Variants in STX8 observed in about 807,000 individuals in gnomAD.
STX8 encodes the protein syntaxin-8.
STX8 carries 23 observed loss-of-function variants against 37.5 expected under a neutral mutation model. That is an observed-to-expected ratio of 0.61 (90% CI 0.44 to 0.87). STX8 has a LOEUF of 0.87. Ranked by LOEUF, STX8 falls within the 40% of genes least tolerant of loss-of-function variation. The pLI is 0.00. For synonymous variants in STX8, 115 were observed against 99.1 expected (o/e 1.16, Z -0.95); for missense variants, 313 against 284.7 (o/e 1.10, Z -0.71).
At chr17:9,536,025 A>T (rs1906036625) in intron 4 of STX8, among the ~76,000 whole-genome samples, 1 of 152,212 alleles carries the variant, frequency 6.6e-6, no homozygotes, top group Non-Finnish European at 1.5e-5. Context: ...GGAGGGAGAT[A>T]ATATATTCCT....
chr17:9,430,698 G>A (rs1162292427), intron 6 of STX8, among the ~76,000 whole-genome samples: 2 of 146,246 alleles, frequency 1.4e-5, no homozygotes, highest in South Asian at 4.3e-4. Context: ...TGCCCAGGAT[G>A]GAGTGCAGTG....
intron 6 of STX8, among the ~76,000 whole-genome samples, chr17:9,394,235 G>A (rs920125022): frequency 3.9e-5 from 6 of 152,148 alleles, no homozygotes; most frequent in African/African-American, 9.7e-5. Flanking sequence ...TGCTAAGCGC[G>A]GCTTTGGATG....
intron 6 of STX8, among the ~76,000 whole-genome samples, chr17:9,420,540 T>C (rs1256587957): frequency 6.6e-6 from 1 of 152,188 alleles, no homozygotes; most frequent in Non-Finnish European, 1.5e-5. Context: ...TCTGGCCTGT[T>C]TCTCAGTCCA....
At chr17:9,443,642 A>G (rs8080097) in intron 6 of STX8, among the ~76,000 whole-genome samples, 2,045 of 152,198 alleles carry the variant, frequency 0.013, 46 homozygotes, top group African/African-American at 0.047. Flanking sequence ...AGGCCAAGGT[A>G]ATTTCCAACC....
chr17:9,455,304 C>G (rs1045826398), intron 6 of STX8, among the ~76,000 whole-genome samples: 7 of 152,060 alleles, frequency 4.6e-5, no homozygotes, highest in African/African-American at 1.7e-4. Context: ...TTGAAACCAT[C>G]CTGCCTAACA....
intron 6 of STX8, among the ~76,000 whole-genome samples, chr17:9,379,147 A>C (rs1911703644): frequency 6.7e-6 from 1 of 150,038 alleles, no homozygotes; most frequent in Non-Finnish European, 1.5e-5. Flanking sequence ...CGGGAGGCTG[A>C]GGTAGGAGAA....
rs147987920 is a variant in STX8 at position 9,328,204 on chromosome 17, T to C, written c.643+50348A>G. Among the ~76,000 whole-genome samples the C allele has an allele frequency of 1.6e-3, 237 of 152,088 alleles. 1 individual carries two copies. The highest frequency in any genetic ancestry group is 5.5e-3 in the African/African-American group (230 of 41,470). Reference sequence around the variant, plus strand: ...AACCAGCTCTTACACAGAAAGGTGGTGATAGGTTAGAGTTATATACCTAGG... The same window carrying C: ...AACCAGCTCTTACACAGAAAGGTGGCGATAGGTTAGAGTTATATACCTAGG... On this transcript the variant is annotated intron_variant, in intron 7 of 7. Transcript: ENST00000306357.
intron 3 of STX8, among the ~76,000 whole-genome samples, chr17:9,547,696 T>C (rs1465597891): frequency 6.7e-6 from 1 of 149,976 alleles, no homozygotes; most frequent in African/African-American, 2.4e-5. Context: ...CACTTCCACC[T>C]ATCAGATTAG....
At chr17:9,428,321 A>G (rs1913714284) in intron 6 of STX8, among the ~76,000 whole-genome samples, 1 of 152,160 alleles carries the variant, frequency 6.6e-6, no homozygotes, top group East Asian at 1.9e-4. Flanking sequence ...GCTCACTGCA[A>G]GCTCCGCCTC....
chr17:9,268,984 G>C (rs930769250), intron 7 of STX8, among the ~76,000 whole-genome samples: 14 of 152,072 alleles, frequency 9.2e-5, no homozygotes, highest in African/African-American at 1.9e-4. Context: ...TCAGCAGATC[G>C]AGACCATCCT....
intron 6 of STX8, among the ~76,000 whole-genome samples, chr17:9,414,455 A>G (rs931683300): frequency 5.3e-5 from 8 of 152,200 alleles, no homozygotes; most frequent in African/African-American, 1.9e-4. Context: ...AAATGTTATA[A>G]AAGTCTGAAT....
At chr17:9,565,636 A>T (rs1052491767) in intron 2 of STX8, among the ~76,000 whole-genome samples, 2 of 119,876 alleles carry the variant, frequency 1.7e-5, no homozygotes, top group South Asian at 2.6e-4. Flanking sequence ...AAAAAAAAAT[A>T]GAGTACCCAG....
chr17:9,343,018 C>A (rs1469061370), intron 7 of STX8, among the ~76,000 whole-genome samples: 38 of 110,530 alleles, frequency 3.4e-4, no homozygotes, highest in African/African-American at 1.0e-3. Context: ...GAAACTGTCT[C>A]AAAAAAAAAA....
intron 6 of STX8, among the ~76,000 whole-genome samples, chr17:9,458,431 G>A (rs543628202): frequency 1.2e-4 from 19 of 152,336 alleles, no homozygotes; most frequent in African/African-American, 4.6e-4. Flanking sequence ...TTACAGGCGT[G>A]AGCCACCGTG....
intron 7 of STX8, among the ~76,000 whole-genome samples, chr17:9,282,449 A>T (rs1907920584): frequency 6.6e-6 from 1 of 152,180 alleles, no homozygotes; most frequent in Admixed American, 6.5e-5. Context: ...ACATTTTCTT[A>T]CTATAATCCC....
At position 9,342,212 on chromosome 17, in the gene STX8, G is replaced by A. The variant is rs150500935; in HGVS notation, c.643+36340C>T. Among the ~76,000 whole-genome samples the A allele has an allele frequency of 2.6e-5, 4 of 152,242 alleles. No individual in the cohort carries two copies. The East Asian group carries it at 5.8e-4, about 22-fold the overall frequency. On this transcript the variant is annotated intron_variant, in intron 7 of 7. Coordinates refer to ENST00000306357, the MANE Select transcript of STX8 (RefSeq NM_004853.3). ...TGCTGCCACTGATCTGACAGGAGGCGGAGCTCAGGTGGTAATGCTCGCTCA... is the reference window on the plus strand; with the variant it reads ...TGCTGCCACTGATCTGACAGGAGGCAGAGCTCAGGTGGTAATGCTCGCTCA...
chr17:9,260,496 C>T (rs890144862), intron 7 of STX8, among the ~76,000 whole-genome samples: 3 of 151,944 alleles, frequency 2.0e-5, no homozygotes, highest in Non-Finnish European at 2.9e-5. Flanking sequence ...TGGTGGTGCA[C>T]GCCTGTAATC....
intron 7 of STX8, among the ~76,000 whole-genome samples, chr17:9,325,169 CA>C (rs1279327418): frequency 6.6e-6 from 1 of 152,094 alleles, no homozygotes; most frequent in Non-Finnish European, 1.5e-5. Context: ...CTATGATGTT[CA>C]ATAGATTAAG....
intron 7 of STX8, among the ~76,000 whole-genome samples, chr17:9,339,795 A>G (rs1910276774): frequency 6.6e-6 from 1 of 152,218 alleles, no homozygotes; most frequent in African/African-American, 2.4e-5. Context: ...GACTGGAATC[A>G]AACTTTCCCA....
Sources: allele counts gnomAD v4.1 joint callset (sites outside exome capture counted in the v4.1 genomes callset), GRCh38; gene constraint gnomAD v4.1.1; transcripts MANE v1.5; gene names NCBI Gene and HGNC (gene_info 2026-07-23, HGNC 2026-07-21).